SUSD1: variants seen among roughly 807,000 people sequenced by gnomAD.
SUSD1 encodes sushi domain containing 1.
Under a neutral mutation model 86.9 loss-of-function variants are expected in SUSD1, and 65 were observed. The ratio of observed to expected loss-of-function variants is 0.75; its 90% confidence interval spans 0.61 to 0.92. SUSD1 has a LOEUF of 0.92. SUSD1 is among the 40% of genes least tolerant of loss of function. The pLI, the probability that SUSD1 is intolerant of heterozygous loss-of-function variation, is 0.00. For missense variants in SUSD1, 850 were observed against 929.7 expected (o/e 0.91, Z 1.11); for synonymous variants, 346 against 350.0 (o/e 0.99, Z 0.13).
rs556191087 is a variant in SUSD1 at position 112,101,378 on chromosome 9, T to A, written c.1281+798A>T. ...CTCGGTCTCAAAAAAGAAAAAAAAA[T>A]TTTTTTAATGTAATACTTACTGAGT... On this transcript the variant is annotated intron_variant, in intron 9 of 16. Transcript: ENST00000374270. Among the ~76,000 whole-genome samples, 254 of 151,034 alleles carry A rather than the reference T, an allele frequency of 1.7e-3. 1 individual carries two copies. The highest frequency in any genetic ancestry group is 6.3e-3 in the Admixed American group (96 of 15,194).
intron 10 of SUSD1, among the ~76,000 whole-genome samples, chr9:112,085,840 G>C (rs1036599092): frequency 3.9e-5 from 6 of 152,118 alleles, no homozygotes; most frequent in Non-Finnish European, 7.3e-5. Flanking sequence ...ATATTCTTCA[G>C]ATCAGCAAGA....
chr9:112,072,324 T>C (rs962043887), intron 12 of SUSD1, among the ~76,000 whole-genome samples: 1 of 151,866 alleles, frequency 6.6e-6, no homozygotes, highest in Admixed American at 6.6e-5. Context: ...AATTTTTGTA[T>C]TTTTAGTAGA....
At chr9:112,094,462 T>C (rs879791379) in intron 10 of SUSD1, among the ~76,000 whole-genome samples, 7 of 152,142 alleles carry the variant, frequency 4.6e-5, no homozygotes, top group Non-Finnish European at 8.8e-5. Context: ...GATAAGAAAC[T>C]CTTTGGGGGC....
chr9:112,148,655 C>T (rs1413697839), intron 3 of SUSD1, among the ~76,000 whole-genome samples: 2 of 152,228 alleles, frequency 1.3e-5, no homozygotes, highest in Non-Finnish European at 2.9e-5. Flanking sequence ...TGACTAATCC[C>T]AGCACTTTGG....
At chr9:112,092,360 C>T (rs777845900) in intron 10 of SUSD1, among the ~76,000 whole-genome samples, 3 of 152,208 alleles carry the variant, frequency 2.0e-5, no homozygotes, top group African/African-American at 7.2e-5. Flanking sequence ...AAATGCTGCT[C>T]AGACACTGTC....
At chr9:112,131,503 C>A (rs543835380) in intron 5 of SUSD1, among the ~76,000 whole-genome samples, 1 of 152,284 alleles carries the variant, frequency 6.6e-6, no homozygotes, top group African/African-American at 2.4e-5. Flanking sequence ...TAGAACATGA[C>A]CCTGTCACAG....
chr9:112,165,942 G>GAAAGAAGAAAGAAAGAAAGAAAGA (rs11377595), intron 1 of SUSD1, among the ~76,000 whole-genome samples: 3 of 71,962 alleles, frequency 4.2e-5, no homozygotes, highest in Admixed American at 1.6e-4. Flanking sequence ...AAGAAAGAAA[G>GAAAGAAGAAAGAAAGAAAGAAAGA]AAGAAAGAAA....
chr9:112,105,364 CA>C (rs1830793451), intron 8 of SUSD1, among the ~76,000 whole-genome samples: 1 of 151,828 alleles, frequency 6.6e-6, no homozygotes, highest in Admixed American at 6.6e-5. Context: ...AAGCAATAAT[CA>C]GAGATGTAAT....
At chr9:112,105,914 A>T (rs1333644414) in intron 8 of SUSD1, among the ~76,000 whole-genome samples, 2 of 152,202 alleles carry the variant, frequency 1.3e-5, no homozygotes, top group African/African-American at 2.4e-5. Flanking sequence ...ATAAATGATT[A>T]ATGTCTTAAA....
chr9:112,124,338 C>G lies in SUSD1; in HGVS notation c.805G>C (p.Gly269Arg). The G allele has an allele frequency of 6.2e-7, 1 of 1,614,144 alleles. No individual in the cohort carries two copies. The highest frequency in any genetic ancestry group is 1.1e-5 in the South Asian group (1 of 91,084). The change falls in exon 6 of 17, where the codon GGC becomes CGC. Residue 269 changes from glycine to arginine, a missense_variant. Coordinates refer to ENST00000374270, the MANE Select transcript of SUSD1 (RefSeq NM_022486.5). The stretch of plus-strand genomic sequence containing the variant: ...ATCTTTCCTCCAGGGCTCTCAAAGC[C>G]CTCTTGACAGACATAGCGAGCCACA... Reference protein sequence around the residue: ...GGVARYVCQEGFESPGGKITS... With the variant: ...GGVARYVCQERFESPGGKITS...
chr9:112,078,512 T>C, intron 12 of SUSD1, 26 bp downstream of exon 12: 1 of 1,592,990 alleles, frequency 6.3e-7, no homozygotes, highest in Non-Finnish European at 8.6e-7. Context: ...ACTTTGTTAA[T>C]CCAAATGCTG....
rs1162033874 is a variant in SUSD1, at chr9:112,075,448, T to A, written c.1753+3090A>T. Among the ~76,000 whole-genome samples the A allele has an allele frequency of 2.0e-5, 3 of 152,272 alleles. No homozygotes were observed. The East Asian group carries it at 5.8e-4, about 29-fold the overall frequency. On this transcript the variant is annotated intron_variant, in intron 12 of 16. Transcript: ENST00000374270. ...AGTTTTTAGAAAACAAGCTCTAGGC[T>A]GGGCACAGAGACTCATGCCTATAAT...
chr9:112,104,168 A>T (rs1445492150), intron 8 of SUSD1, among the ~76,000 whole-genome samples: 2 of 151,846 alleles, frequency 1.3e-5, no homozygotes, highest in African/African-American at 2.4e-5. Flanking sequence ...GGCATGCACC[A>T]CCAAGCCCAG....
At chr9:112,051,030 T>C (rs1398607047) in intron 15 of SUSD1, among the ~76,000 whole-genome samples, 2 of 152,240 alleles carry the variant, frequency 1.3e-5, no homozygotes, top group Non-Finnish European at 2.9e-5. Flanking sequence ...TGACCCATTC[T>C]GCTGCCAGGG....
intron 1 of SUSD1, among the ~76,000 whole-genome samples, chr9:112,174,151 C>T (rs1333114289): frequency 1.3e-5 from 2 of 152,198 alleles, no homozygotes; most frequent in Non-Finnish European, 2.9e-5. Context: ...CTTCCCTTCT[C>T]CCCCGGGCCT....
At chr9:112,133,958 A>T (rs1832144527) in intron 5 of SUSD1, among the ~76,000 whole-genome samples, 1 of 152,234 alleles carries the variant, frequency 6.6e-6, no homozygotes, top group South Asian at 2.1e-4. Flanking sequence ...CAAGAAACAT[A>T]TGAAAAAATG....
At chr9:112,043,759 A>G (rs926894972) in intron 15 of SUSD1, among the ~76,000 whole-genome samples, 4 of 152,112 alleles carry the variant, frequency 2.6e-5, no homozygotes, top group Non-Finnish European at 4.4e-5. Context: ...TGGCCTTGAC[A>G]CTTTAAGAAG....
intron 6 of SUSD1, among the ~76,000 whole-genome samples, chr9:112,116,169 G>T (rs986615951): frequency 6.6e-6 from 1 of 152,296 alleles, no homozygotes; most frequent in Non-Finnish European, 1.5e-5. Flanking sequence ...GATTAGAAAG[G>T]AGTTTTCTTT....
intron 6 of SUSD1, among the ~76,000 whole-genome samples, chr9:112,117,438 G>T (rs928597723): frequency 6.6e-6 from 1 of 152,184 alleles, no homozygotes; most frequent in East Asian, 1.9e-4. Flanking sequence ...ACAGTGTCCA[G>T]CTGAAGTCTC....
Sources: allele counts gnomAD v4.1 joint callset (sites outside exome capture counted in the v4.1 genomes callset), GRCh38; gene constraint gnomAD v4.1.1; transcripts MANE v1.5; gene names NCBI Gene and HGNC (gene_info 2026-07-23, HGNC 2026-07-21).